RARB: variants seen among roughly 807,000 people sequenced by gnomAD.
RARB encodes retinoic acid receptor beta, also known as HBV-activated protein.
In RARB, 17 loss-of-function variants were observed where a neutral mutation model predicts 51.9. That is an observed-to-expected ratio of 0.33 (90% CI 0.22 to 0.49). The LOEUF is 0.49. Among genes scored for constraint, RARB ranks in the 20% least tolerant of loss-of-function variants. The pLI is 0.99. For missense variants in RARB, 369 were observed against 550.8 expected, an observed-to-expected ratio of 0.67 and a Z score of 3.30; for synonymous variants, 215 against 195.4, an observed-to-expected ratio of 1.10 and a Z score of -0.84.
At chr3:25,224,494 T>A (rs974893011) in intron 5 of RARB, among the ~76,000 whole-genome samples, 2 of 152,172 alleles carry the variant, frequency 1.3e-5, no homozygotes, top group African/African-American at 2.4e-5. Flanking sequence ...AATCTATTAA[T>A]TATATGCCTT....
intron 3 of RARB, among the ~76,000 whole-genome samples, chr3:25,083,916 C>G (rs941612128): frequency 1.3e-5 from 2 of 152,124 alleles, no homozygotes; most frequent in African/African-American, 4.8e-5. Flanking sequence ...CAACTAGATG[C>G]CCTGGGTATT....
At chr3:25,327,902 AAG>A (rs910935777) in intron 5 of RARB, among the ~76,000 whole-genome samples, 7 of 152,236 alleles carry the variant, frequency 4.6e-5, no homozygotes, top group African/African-American at 1.7e-4. Flanking sequence ...CAAGTTTAAA[AAG>A]AGAAGCAACT....
chr3:25,018,740 T>C (rs906750216), intron 2 of RARB, among the ~76,000 whole-genome samples: 5 of 152,200 alleles, frequency 3.3e-5, no homozygotes, highest in African/African-American at 1.2e-4. Flanking sequence ...TGGGCAACTA[T>C]CCTTCTCAGG....
At chr3:25,437,249 G>A (rs1439693477) in intron 1 of RARB, among the ~76,000 whole-genome samples, 1 of 151,718 alleles carries the variant, frequency 6.6e-6, no homozygotes, top group Non-Finnish European at 1.5e-5. Context: ...CCCTGATTCA[G>A]GGGCATCCAT....
At position 25,443,299 on chromosome 3, in the gene RARB, CATG is replaced by C; in HGVS notation, c.157+14413_157+14415del. On this transcript the variant is annotated intron_variant, in intron 1 of 7. Transcript: ENST00000330688. ...ATTTGCTGGCAAACTGGCCTGAAAA[CATG>C]AGAGTGGAATATTTCCCTGGGCTAC... 1.3e-5 allele frequency among the ~76,000 whole-genome samples: 2 copies of C among 152,136 alleles called. 1 individual carries two copies.
intron 2 of RARB, among the ~76,000 whole-genome samples, chr3:24,956,089 G>C (rs1055384220): frequency 6.6e-6 from 1 of 152,124 alleles, no homozygotes; most frequent in Non-Finnish European, 1.5e-5. Context: ...AGCGGGGTTA[G>C]AAAGATGAGA....
chr3:25,100,667 G>A (rs552829451), intron 3 of RARB, among the ~76,000 whole-genome samples: 3 of 152,084 alleles, frequency 2.0e-5, no homozygotes, highest in Admixed American at 6.5e-5. Context: ...TATTTTTATT[G>A]TCTTATCTAA....
At chr3:25,236,080 A>G (rs767823925) in intron 5 of RARB, among the ~76,000 whole-genome samples, 1 of 151,966 alleles carries the variant, frequency 6.6e-6, no homozygotes, top group Admixed American at 6.6e-5. Flanking sequence ...TTGTAGATCT[A>G]TTTTTGTGTA....
intron 3 of RARB, among the ~76,000 whole-genome samples, chr3:25,094,740 A>AAT (rs1249838733): frequency 1.3e-5 from 2 of 149,968 alleles, no homozygotes; most frequent in Non-Finnish European, 3.0e-5. Context: ...AAAAAAAAAA[A>AAT]AGGAAACTGC....
At chr3:25,052,819 G>A (rs1018284781) in intron 2 of RARB, among the ~76,000 whole-genome samples, 1 of 151,858 alleles carries the variant, frequency 6.6e-6, no homozygotes, top group African/African-American at 2.4e-5. Flanking sequence ...GACTTCTTGG[G>A]TATGACGAGA....
intron 3 of RARB, among the ~76,000 whole-genome samples, chr3:25,074,635 CA>C: frequency 6.6e-6 from 1 of 152,008 alleles, no homozygotes; most frequent in Non-Finnish European, 1.5e-5. Context: ...CTCCTTTATA[CA>C]AAAAAATTAG....
chr3:25,557,308 C>G (rs1393900845), intron 3 of RARB, among the ~76,000 whole-genome samples: 1 of 152,136 alleles, frequency 6.6e-6, no homozygotes, highest in Admixed American at 6.6e-5. Flanking sequence ...AAGTCAATTT[C>G]TAGAAGTCAA....
At chr3:25,570,492 G>A (rs935578196) in intron 4 of RARB, among the ~76,000 whole-genome samples, 1 of 152,204 alleles carries the variant, frequency 6.6e-6, no homozygotes, top group Non-Finnish European at 1.5e-5. Context: ...CATGCCCCAT[G>A]CCCAGTTGAG....
chr3:25,363,746 G>C (rs1206685377), intron 5 of RARB, among the ~76,000 whole-genome samples: 1 of 152,094 alleles, frequency 6.6e-6, no homozygotes, highest in Non-Finnish European at 1.5e-5. Flanking sequence ...GACATCACTT[G>C]TATTTCCCAG....
intron 1 of RARB, among the ~76,000 whole-genome samples, chr3:25,459,009 A>C (rs1695042945): frequency 6.6e-6 from 1 of 152,230 alleles, no homozygotes; most frequent in South Asian, 2.1e-4. Context: ...CCTGGAACAC[A>C]GATGTATACA....
chr3:25,496,096 C>G (rs536090361), intron 2 of RARB, among the ~76,000 whole-genome samples: 21 of 152,268 alleles, frequency 1.4e-4, no homozygotes, highest in African/African-American at 5.1e-4. Flanking sequence ...ATTTAAGAAA[C>G]TAAGGTATAA....
chr3:25,112,129 A>G (rs891402628), intron 3 of RARB, among the ~76,000 whole-genome samples: 30 of 152,286 alleles, frequency 2.0e-4, no homozygotes, highest in South Asian at 4.1e-4. Flanking sequence ...ACTCTTGTAG[A>G]AGTTAAGAAT....
chr3:25,193,266 A>G (rs1034472475), intron 5 of RARB, among the ~76,000 whole-genome samples: 1 of 152,086 alleles, frequency 6.6e-6, no homozygotes, highest in African/African-American at 2.4e-5. Flanking sequence ...AGAATGAAGA[A>G]AGAGAAAATT....
intron 2 of RARB, among the ~76,000 whole-genome samples, chr3:24,922,083 T>C (rs1192221746): frequency 6.6e-6 from 1 of 152,188 alleles, no homozygotes; most frequent in African/African-American, 2.4e-5. Flanking sequence ...TTTCTCCATG[T>C]GTAAAATACA....
Sources: allele counts gnomAD v4.1 joint callset (sites outside exome capture counted in the v4.1 genomes callset), GRCh38; gene constraint gnomAD v4.1.1; transcripts MANE v1.5; gene names NCBI Gene and HGNC (gene_info 2026-07-23, HGNC 2026-07-21).